Variants in NCOA1 observed in about 807,000 individuals in gnomAD.
NCOA1 encodes Hin-2 protein.
In NCOA1, 35 loss-of-function variants were observed where a neutral mutation model predicts 150.9. The ratio of observed to expected loss-of-function variants is 0.23; its 90% CI spans 0.18 to 0.31. The LOEUF (loss-of-function observed/expected upper bound fraction) is 0.31, where lower values mean the gene tolerates loss of function less well. NCOA1 is among the 10% of genes least tolerant of loss of function. The pLI is 1.00. For synonymous variants in NCOA1, 590 were observed against 630.0 expected (o/e 0.94, Z 0.95); for missense variants, 1,491 against 1,749.3 (o/e 0.85, Z 2.63).
chr2:24,509,706 C>T (rs956819939), intron 1 of NCOA1, among the ~76,000 whole-genome samples: 2 of 152,100 alleles, frequency 1.3e-5, no homozygotes, highest in African/African-American at 4.8e-5. Context: ...ACAATGATGT[C>T]TTGGTTTTAC....
At chr2:24,633,988 A>C (rs1669820692) in intron 3 of NCOA1, among the ~76,000 whole-genome samples, 1 of 152,236 alleles carries the variant, frequency 6.6e-6, no homozygotes, top group Non-Finnish European at 1.5e-5. Context: ...TCACATACAC[A>C]TATGAACAGA....
Position 24,691,519 on chromosome 2 carries a change from A to G in NCOA1, c.571A>G (p.Asn191Asp). The G allele has an allele frequency of 6.2e-7, 1 of 1,614,120 alleles. No individual in the cohort carries two copies. The highest frequency in any genetic ancestry group is 8.5e-7 in the Non-Finnish European group (1 of 1,179,974). ...VPWPQEATRR[N>D]SHTFNCRMLI... Reference sequence around the variant, plus strand: ...TTGGCCTCAAGAGGCAACACGACGAAATAGCCATACCTTTAACTGCAGGAT... The same window carrying G: ...TTGGCCTCAAGAGGCAACACGACGAGATAGCCATACCTTTAACTGCAGGAT... The change falls in exon 9 of 23, where the codon AAT becomes GAT. Residue 191 changes from asparagine (N) to aspartate (D), a missense_variant. Asn to Asp is a conservative substitution (Grantham distance 23). Coordinates refer to ENST00000348332, the MANE Select transcript of NCOA1 (RefSeq NM_003743.5).
intron 14 of NCOA1, among the ~76,000 whole-genome samples, chr2:24,715,894 G>C (rs1674011449): frequency 6.6e-6 from 1 of 152,176 alleles, no homozygotes; most frequent in Non-Finnish European, 1.5e-5. Flanking sequence ...TGTAATCCCA[G>C]CACTTTGGGA....
At chr2:24,629,611 G>A (rs1235226156) in intron 3 of NCOA1, among the ~76,000 whole-genome samples, 10 of 149,390 alleles carry the variant, frequency 6.7e-5, no homozygotes, top group African/African-American at 2.2e-4. Context: ...TGAAACAGGA[G>A]GATATAATGA....
At chr2:24,549,484 C>T (rs867274281) in intron 1 of NCOA1, among the ~76,000 whole-genome samples, 3 of 152,320 alleles carry the variant, frequency 2.0e-5, no homozygotes, top group Non-Finnish European at 1.5e-5. Context: ...CAGATTTTTG[C>T]AGCCAGTTTG....
intron 5 of NCOA1, among the ~76,000 whole-genome samples, chr2:24,663,192 A>G (rs1671264329): frequency 6.6e-6 from 1 of 152,034 alleles, no homozygotes; most frequent in Non-Finnish European, 1.5e-5. Flanking sequence ...TTTCTTATCT[A>G]TAGTTTAGCT....
chr2:24,660,454 T>A (rs896499103), intron 5 of NCOA1, among the ~76,000 whole-genome samples: 3 of 152,072 alleles, frequency 2.0e-5, no homozygotes, highest in Non-Finnish European at 4.4e-5. Flanking sequence ...TTAATAATTA[T>A]GTGTGTATTT....
chr2:24,530,079 C>G (rs903988141), intron 1 of NCOA1, among the ~76,000 whole-genome samples: 3 of 152,064 alleles, frequency 2.0e-5, no homozygotes, highest in African/African-American at 7.2e-5. Flanking sequence ...GAGTTGCAAC[C>G]AAAGATTTCC....
At chr2:24,596,715 T>G (rs962293761) in intron 3 of NCOA1, among the ~76,000 whole-genome samples, 11 of 152,198 alleles carry the variant, frequency 7.2e-5, no homozygotes, top group African/African-American at 2.4e-4. Context: ...TTAAATAAAC[T>G]TAAATTTTAA....
intron 3 of NCOA1, among the ~76,000 whole-genome samples, chr2:24,586,807 T>C (rs1667431701): frequency 6.6e-6 from 1 of 152,120 alleles, no homozygotes; most frequent in Non-Finnish European, 1.5e-5. Flanking sequence ...TGGAATTAGA[T>C]CTCTGTCCTC....
intron 13 of NCOA1, among the ~76,000 whole-genome samples, chr2:24,709,627 TTTG>T (rs1175964289): frequency 2.0e-5 from 3 of 152,248 alleles, no homozygotes; most frequent in Non-Finnish European, 4.4e-5. Flanking sequence ...ACTGGCACTT[TTTG>T]ATGAGGTGAA....
intron 3 of NCOA1, among the ~76,000 whole-genome samples, chr2:24,617,967 A>G (rs1668949624): frequency 6.6e-6 from 1 of 152,218 alleles, no homozygotes; most frequent in African/African-American, 2.4e-5. Flanking sequence ...AAACTTAGTG[A>G]AAAAAGATGC....
intron 14 of NCOA1, among the ~76,000 whole-genome samples, chr2:24,722,916 AGGAGGT>A (rs1274819152): frequency 7.0e-6 from 1 of 142,568 alleles, no homozygotes; most frequent in Admixed American, 7.9e-5. Context: ...CTTGAACCCA[AGGAGGT>A]GGAGGTTGCA....
chr2:24,730,749 G>C (rs1479356646), intron 17 of NCOA1, among the ~76,000 whole-genome samples: 2 of 152,080 alleles, frequency 1.3e-5, no homozygotes, highest in African/African-American at 4.8e-5. Flanking sequence ...CTGTGGGCCG[G>C]GCGTGGTGGC....
At position 24,507,438 on chromosome 2, in the gene NCOA1, T is replaced by TTA. The variant is rs924489446; in HGVS notation, c.-396+15837_-396+15838insAT. Among the ~76,000 whole-genome samples, 49 of 149,112 alleles carry TTA rather than the reference T, an allele frequency of 3.3e-4. 2 individuals are homozygous for TTA. In the East Asian group the frequency reaches 8.4e-3, roughly 26 times the overall value. On this transcript the variant is annotated intron_variant, in intron 1 of 22. Transcript: ENST00000348332. Reference sequence around the variant, plus strand: ...TACAGTGAAGGTGAGCTGCTGGGTTTTTTTTTTTTTTTTTTTTAATGTTTA... The same window carrying TTA: ...TACAGTGAAGGTGAGCTGCTGGGTTTTATTTTTTTTTTTTTTTTTAATGTTTA...
intron 3 of NCOA1, among the ~76,000 whole-genome samples, chr2:24,609,107 A>G (rs1390056526): frequency 6.6e-6 from 1 of 152,196 alleles, no homozygotes. Flanking sequence ...AAAGCAAGTT[A>G]CTAAATCACC....
At chr2:24,728,611 A>G (rs866952132) in intron 16 of NCOA1, 135 bp downstream of exon 16, 3 of 663,834 alleles carry the variant, frequency 4.5e-6, no homozygotes, top group African/African-American at 1.9e-5. Context: ...AACTTATCAA[A>G]ATATATGAGT....
At chr2:24,493,480 C>T (rs1307608395) in intron 1 of NCOA1, among the ~76,000 whole-genome samples, 2 of 152,064 alleles carry the variant, frequency 1.3e-5, no homozygotes, top group Non-Finnish European at 2.9e-5. Flanking sequence ...GTGAATTTTA[C>T]GTAGCTTACA....
Position 24,762,782 on chromosome 2 carries a change from T to A in NCOA1, c.4155+6T>A. The A allele has an allele frequency of 6.2e-7, 1 of 1,611,674 alleles. No homozygotes were observed. The stretch of plus-strand genomic sequence containing the variant: ...CAGAAGCAGATGGAACCCAGGTCAG[T>A]AAGGAAATTCTAAGCCCAGAGCTGT... On this transcript the variant is annotated splice_donor_region_variant and intron_variant, in intron 22 of 22. Coordinates refer to ENST00000348332, the MANE Select transcript of NCOA1 (RefSeq NM_003743.5).
Sources: allele counts gnomAD v4.1 joint callset (sites outside exome capture counted in the v4.1 genomes callset), GRCh38; gene constraint gnomAD v4.1.1; transcripts MANE v1.5; gene names NCBI Gene and HGNC (gene_info 2026-07-23, HGNC 2026-07-21).